Variants in GCLC observed in about 807,000 individuals in gnomAD.
The protein encoded by GCLC is glutamate--cysteine ligase catalytic subunit.
GCLC carries 30 observed loss-of-function variants against 81.5 expected under a neutral mutation model. The ratio of observed to expected loss-of-function variants is 0.37; its 90% CI spans 0.28 to 0.50. The LOEUF (loss-of-function observed/expected upper bound fraction) is 0.50, where lower values mean the gene tolerates loss of function less well. Ranked by LOEUF, GCLC falls within the 20% of genes least tolerant of loss-of-function variation. GCLC has a pLI of 0.96. For synonymous variants in GCLC, 262 were observed against 273.3 expected (o/e 0.96, Z 0.41); for missense variants, 556 against 777.4 (o/e 0.72, Z 3.39).
intron 1 of GCLC, among the ~76,000 whole-genome samples, chr6:53,525,221 G>A (rs1182498760): frequency 6.6e-6 from 1 of 152,094 alleles, no homozygotes; most frequent in Non-Finnish European, 1.5e-5. Context: ...TCCTCAAAGA[G>A]GTTCTTCAAA....
chr6:53,526,634 T>C (rs1763086320), intron 1 of GCLC, among the ~76,000 whole-genome samples: 1 of 151,686 alleles, frequency 6.6e-6, no homozygotes, highest in Non-Finnish European at 1.5e-5. Context: ...CCATCTCTAC[T>C]AAAAATACAA....
intron 4 of GCLC, among the ~76,000 whole-genome samples, chr6:53,515,746 A>T (rs1764858033): frequency 6.6e-6 from 1 of 151,504 alleles, no homozygotes; most frequent in South Asian, 2.1e-4. Context: ...ACAGATACTG[A>T]TGGTTAGAGA....
In GCLC at chr6:53,544,874, G is replaced by A. The variant is rs1763424621; in HGVS notation, c.-229C>T. The stretch of plus-strand genomic sequence containing the variant: ...GTCCGACGCACCGCGCGGAGGCGAA[G>A]GCAGAAGACCGAGAGCAGGCGGGAC... On this transcript the variant is annotated 5_prime_UTR_variant, in exon 1 of 16. Coordinates refer to ENST00000650454, the MANE Select transcript of GCLC (RefSeq NM_001498.4). 2.6e-6 allele frequency: 1 copy of A among 385,534 alleles called. No homozygotes were observed. The highest frequency in any genetic ancestry group is 4.6e-6 in the Non-Finnish European group (1 of 217,802). The allele number at this position is 385,534 out of a possible 1,614,324, so 23.9% of individuals were successfully genotyped here. A position where few individuals can be genotyped will look rare whatever the true frequency, so the allele number is the denominator to read the frequency against.
intron 1 of GCLC, among the ~76,000 whole-genome samples, chr6:53,524,177 C>A (rs927251262): frequency 1.3e-5 from 2 of 152,096 alleles, no homozygotes; most frequent in African/African-American, 4.8e-5. Flanking sequence ...ATCTTCAAAC[C>A]CAGCATGCAA....
Position 53,500,425 on chromosome 6 carries a change from G to C in GCLC, c.1477+7C>G. 5 of 1,604,710 alleles carry C rather than the reference G, an allele frequency of 3.1e-6. No individual in the cohort carries two copies. The highest frequency in any genetic ancestry group is 4.3e-6 in the Non-Finnish European group (5 of 1,171,398). On this transcript the variant is annotated splice_region_variant and intron_variant, in intron 13 of 15. Transcript: ENST00000650454. ...GCTGACATTAGAAATCTAAGATAAT[G>C]TAATACCTTTGCAAATATCTTTCCT...
At chr6:53,542,846 TAAA>T (rs936534095) in intron 1 of GCLC, among the ~76,000 whole-genome samples, 38 of 152,008 alleles carry the variant, frequency 2.5e-4, no homozygotes, top group African/African-American at 8.5e-4. Context: ...CTATCTCTAC[TAAA>T]AATACAAAAA....
intron 1 of GCLC, among the ~76,000 whole-genome samples, chr6:53,529,582 G>T (rs926333356): frequency 2.6e-5 from 4 of 152,180 alleles, no homozygotes; most frequent in Non-Finnish European, 4.4e-5. Context: ...TTCTCTTAAA[G>T]AAACAACATT....
intron 1 of GCLC, among the ~76,000 whole-genome samples, chr6:53,541,724 G>T (rs1441619118): frequency 7.2e-5 from 11 of 152,098 alleles, no homozygotes; most frequent in Non-Finnish European, 1.5e-4. Context: ...TTCAAATGAG[G>T]TTTAAAAAAT....
rs1236441150 is a variant in GCLC, at chr6:53,514,194, G to T, written c.753+10C>A. 2 of 1,613,006 alleles carry T rather than the reference G, an allele frequency of 1.2e-6. No homozygotes were observed. Among genetic ancestry groups the T allele is most frequent in the African/African-American group, 2.7e-5 (2 of 74,900 alleles). ...GAACACTTTGCCTCTCTGTATATTT[G>T]AAACTATACCTGGAGACAGCAATTG... On this transcript the variant is annotated intron_variant, in intron 6 of 15. Transcript: ENST00000650454.
intron 1 of GCLC, among the ~76,000 whole-genome samples, chr6:53,532,106 A>T (rs1230663881): frequency 6.6e-6 from 1 of 152,246 alleles, no homozygotes; most frequent in African/African-American, 2.4e-5. Flanking sequence ...ACGTGAGTGG[A>T]AATCTTTCTA....
intron 1 of GCLC, among the ~76,000 whole-genome samples, chr6:53,523,613 C>T (rs1425017878): frequency 1.3e-5 from 2 of 152,208 alleles, no homozygotes; most frequent in East Asian, 1.9e-4. Context: ...AAGCCCAGCA[C>T]GAAGCCTGTG....
In GCLC at chr6:53,544,670, C is replaced by T. The variant is rs745326831; in HGVS notation, c.-25G>A. On this transcript the variant is annotated 5_prime_UTR_variant, in exon 1 of 16. Coordinates refer to ENST00000650454, the MANE Select transcript of GCLC (RefSeq NM_001498.4). The stretch of plus-strand genomic sequence containing the variant: ...TGGCCGCCCCCTCCTCCTCCTCCTC[C>T]TCCTCCGGGCTGACGGCGGTCGCCC... The T allele has an allele frequency of 6.3e-7, 1 of 1,578,066 alleles. No homozygotes were observed. Among genetic ancestry groups the T allele is most frequent in the South Asian group, 1.1e-5 (1 of 89,098 alleles).
chr6:53,506,648 C>A lies in GCLC; in HGVS notation c.1197+265G>T. 2.4e-6 allele frequency: 1 copy of A among 417,794 alleles called. No homozygotes were observed. The highest frequency in any genetic ancestry group is 4.3e-6 in the Non-Finnish European group (1 of 229,942). 25.9% of individuals were successfully genotyped at this position (417,794 alleles called of 1,614,324 possible). A position where few individuals can be genotyped will look rare whatever the true frequency, so the allele number is the denominator to read the frequency against. On this transcript the variant is annotated intron_variant, in intron 10 of 15. Transcript: ENST00000650454. The surrounding 1 kb of genome is among the most constrained non-coding windows in gnomAD (Gnocchi z 4.0). Reference sequence around the variant, plus strand: ...TCACCACTAGGCAAATAAGAAAATACTGAACAATAAAAAAAAAAATTAGAA... The same window carrying A: ...TCACCACTAGGCAAATAAGAAAATAATGAACAATAAAAAAAAAAATTAGAA...
At chr6:53,540,667 CCACACA>C (rs35480206) in intron 1 of GCLC, among the ~76,000 whole-genome samples, 227 of 143,912 alleles carry the variant, frequency 1.6e-3, no homozygotes, top group East Asian at 0.014. Flanking sequence ...AAGTGTCTTG[CCACACA>C]CACACACACA....
chr6:53,529,828 G>C (rs1004176123), intron 1 of GCLC, among the ~76,000 whole-genome samples: 3 of 152,238 alleles, frequency 2.0e-5, no homozygotes, highest in Non-Finnish European at 2.9e-5. Flanking sequence ...GAGAATCATG[G>C]AGAATTTCTG....
rs1350175165 is a variant in GCLC at position 53,497,466 on chromosome 6, T to C, written c.*1290A>G. On this transcript the variant is annotated 3_prime_UTR_variant, in exon 16 of 16. Coordinates refer to ENST00000650454, the MANE Select transcript of GCLC (RefSeq NM_001498.4). Reference sequence around the variant, plus strand: ...ACGAAAACCAGGCATTCTTTAATCATCCAAAATGCATGTATAAAATATAGA... The same window carrying C: ...ACGAAAACCAGGCATTCTTTAATCACCCAAAATGCATGTATAAAATATAGA... 6.6e-6 allele frequency: 1 copy of C among 152,162 alleles called. No individual in the cohort carries two copies. The highest frequency in any genetic ancestry group is 1.5e-5 in the Non-Finnish European group (1 of 68,024). The allele number at this position is 152,162 out of a possible 1,614,324, so 9.4% of individuals were successfully genotyped here.
intron 1 of GCLC, among the ~76,000 whole-genome samples, chr6:53,537,640 C>A (rs524436): frequency 0.27 from 39,839 of 147,932 alleles, 6,522 homozygotes; most frequent in African/African-American, 0.43. Context: ...TAAATAAATA[C>A]ATAAATACAT....
At position 53,509,349 on chromosome 6, in the gene GCLC, G is replaced by A; in HGVS notation, c.754-99C>T. ...GAAGGTGCTGGGCAGAGAGGGGCAA[G>A]TTAACAACGCTTCATTAATGGCAAC... On this transcript the variant is annotated intron_variant, in intron 6 of 15. Transcript: ENST00000650454. The A allele has an allele frequency of 9.1e-6, 7 of 767,620 alleles. No homozygotes were observed. The South Asian group carries it at 9.7e-5, about 11-fold the overall frequency. 47.6% of individuals were successfully genotyped at this position (767,620 alleles called of 1,614,324 possible). A position where few individuals can be genotyped will look rare whatever the true frequency, so the allele number is the denominator to read the frequency against.
intron 1 of GCLC, among the ~76,000 whole-genome samples, chr6:53,535,539 G>A (rs182996299): frequency 6.6e-6 from 1 of 152,076 alleles, no homozygotes; most frequent in Non-Finnish European, 1.5e-5. Flanking sequence ...AATAAAAAAA[G>A]AGAATGAAAA....
Sources: allele counts gnomAD v4.1 joint callset (sites outside exome capture counted in the v4.1 genomes callset), GRCh38; gene constraint gnomAD v4.1.1; non-coding constraint Gnocchi (gnomAD v3.1); transcripts MANE v1.5; gene names NCBI Gene and HGNC (gene_info 2026-07-23, HGNC 2026-07-21).